Variants in GSAP observed in about 807,000 individuals in gnomAD.
The protein encoded by GSAP is gamma-secretase activating protein, also known as gamma-secretase-activating protein.
Under a neutral mutation model 131.7 loss-of-function variants are expected in GSAP, and 118 were observed. The ratio of observed to expected loss-of-function variants is 0.90; its 90% CI spans 0.77 to 1.04. The LOEUF (loss-of-function observed/expected upper bound fraction) is 1.04. GSAP is among the 50% of genes least tolerant of loss of function. The pLI is 0.00. For missense variants in GSAP, 1,019 were observed against 1,013.2 expected, an observed-to-expected ratio of 1.01 and a Z score of -0.08; for synonymous variants, 381 against 363.4, an observed-to-expected ratio of 1.05 and a Z score of -0.55.
chr7:77,311,735 C>G (rs1367759969), intron 30 of GSAP, 106 bp downstream of exon 30: 1 of 660,966 alleles, frequency 1.5e-6, no homozygotes, highest in Non-Finnish European at 2.7e-6. Context: ...TAAGGGTCTA[C>G]TTGTATGTTA....
At chr7:77,409,494 G>A (rs943834982) in intron 1 of GSAP, among the ~76,000 whole-genome samples, 9 of 152,076 alleles carry the variant, frequency 5.9e-5, no homozygotes, top group African/African-American at 1.9e-4. Context: ...CTAGAAAAAG[G>A]TAAACAGAAC....
chr7:77,391,365 A>G (rs1386160513), intron 5 of GSAP, among the ~76,000 whole-genome samples: 9 of 152,198 alleles, frequency 5.9e-5, no homozygotes, highest in Non-Finnish European at 1.0e-4. Flanking sequence ...CTTTGCAAAT[A>G]GTAATTTCTC....
chr7:77,391,648 AC>A (rs1044345704), intron 5 of GSAP, among the ~76,000 whole-genome samples: 1 of 151,838 alleles, frequency 6.6e-6, no homozygotes, highest in Non-Finnish European at 1.5e-5. Context: ...ACATAGTGAA[AC>A]CCCATCTCTA....
At chr7:77,330,109 A>G (rs1050939022) in intron 20 of GSAP, 130 bp downstream of exon 20, 1 of 1,073,658 alleles carries the variant, frequency 9.3e-7, no homozygotes, top group Admixed American at 2.7e-5. Context: ...ATCAGTAATG[A>G]CAATGATCAA....
Position 77,377,222 on chromosome 7 carries a change from A to C in GSAP, c.681+64T>G. On this transcript the variant is annotated intron_variant, in intron 9 of 30. Coordinates refer to ENST00000257626, the MANE Select transcript of GSAP (RefSeq NM_017439.4). Reference sequence around the variant, plus strand: ...AGAGAGCAAGACCCTGTCTCTAAAAAAATTAATATTTTTGTAAAAAAAAAA... The same window carrying C: ...AGAGAGCAAGACCCTGTCTCTAAAACAATTAATATTTTTGTAAAAAAAAAA... 1.3e-5 allele frequency: 17 copies of C among 1,288,432 alleles called. 1 individual carries two copies. The South Asian group carries it at 3.0e-4, about 22-fold the overall frequency. 79.8% of individuals were successfully genotyped at this position (1,288,432 alleles called of 1,614,324 possible). A position where few individuals can be genotyped will look rare whatever the true frequency, so the allele number is the denominator to read the frequency against.
At position 77,312,206 on chromosome 7, in the gene GSAP, T is replaced by G. The variant is rs1240075779; in HGVS notation, c.2272-4A>C. 6.6e-7 allele frequency: 1 copy of G among 1,513,582 alleles called. No individual in the cohort carries two copies. The highest frequency in any genetic ancestry group is 2.0e-5 in the Admixed American group (1 of 49,876). The allele number at this position is 1,513,582 out of a possible 1,614,324, so 93.8% of individuals were successfully genotyped here. ...TACAAATCTTCTGCCCAATAAGCTATTATGCAAATTGAAAAAAATGTAGCG... is the reference window on the plus strand; with the variant it reads ...TACAAATCTTCTGCCCAATAAGCTAGTATGCAAATTGAAAAAAATGTAGCG... On this transcript the variant is annotated splice_region_variant and splice_polypyrimidine_tract_variant and intron_variant, in intron 28 of 30. Transcript: ENST00000257626.
At chr7:77,353,779 C>CCTG in intron 16 of GSAP, 138 bp from the exon 17 acceptor site, 1 of 579,742 alleles carries the variant, frequency 1.7e-6, no homozygotes, top group South Asian at 2.2e-5. Flanking sequence ...CACTTCTATA[C>CCTG]TATCTTCAAG....
At position 77,311,070 on chromosome 7, in the gene GSAP, T is replaced by G; in HGVS notation, c.*288A>C. ...TTTTATTTCAGAGTGCAACAGAAAC[T>G]AGCTTGTGGCCTATTAAGCTACTAG... On this transcript the variant is annotated 3_prime_UTR_variant, in exon 31 of 31. Transcript: ENST00000257626. 2.2e-5 allele frequency: 6 copies of G among 269,260 alleles called. No individual in the cohort carries two copies. The highest frequency in any genetic ancestry group is 4.2e-5 in the Non-Finnish European group (6 of 143,360). The allele number at this position is 269,260 out of a possible 1,614,324, so 16.7% of individuals were successfully genotyped here.
intron 26 of GSAP, among the ~76,000 whole-genome samples, chr7:77,320,423 G>A (rs2150615643): frequency 6.6e-6 from 1 of 152,194 alleles, no homozygotes; most frequent in East Asian, 1.9e-4. Context: ...AGATAAACTA[G>A]GCCTGGAGAC....
At chr7:77,402,339 G>T (rs1801446879) in intron 3 of GSAP, among the ~76,000 whole-genome samples, 1 of 142,666 alleles carries the variant, frequency 7.0e-6, no homozygotes, top group Admixed American at 7.2e-5. Context: ...GAGGTCAAGA[G>T]ATTGAGACCA....
intron 3 of GSAP, among the ~76,000 whole-genome samples, chr7:77,397,730 G>A (rs1422874212): frequency 6.6e-6 from 1 of 152,176 alleles, no homozygotes; most frequent in Non-Finnish European, 1.5e-5. Context: ...CGTGACCTTG[G>A]ATAAATTATT....
Position 77,311,428 on chromosome 7 carries a change from T to C in GSAP, c.2495A>G (p.His832Arg), listed in dbSNP as rs1007803199. The C allele has an allele frequency of 9.9e-6, 16 of 1,609,444 alleles. No homozygotes were observed. The highest frequency in any genetic ancestry group is 1.7e-5 in the Admixed American group (1 of 60,006). The change falls in exon 31 of 31, where the codon CAT becomes CGT. Residue 832 changes from histidine to arginine, a missense_variant. Physicochemically the swap from His to Arg is conservative, Grantham distance 29. Transcript: ENST00000257626. Reference sequence around the variant, plus strand: ...TACAAATTCTGCATCCACATTGTCATGTCCTTCAAAAGGATACAGGGCTGG... The same window carrying C: ...TACAAATTCTGCATCCACATTGTCACGTCCTTCAAAAGGATACAGGGCTGG... Reference protein sequence around the residue: ...SNQALYPFEGHDNVDAEFVEE... With the variant: ...SNQALYPFEGRDNVDAEFVEE...
chr7:77,342,755 A>T (rs879391392), intron 19 of GSAP, among the ~76,000 whole-genome samples: 1 of 152,216 alleles, frequency 6.6e-6, no homozygotes, highest in Non-Finnish European at 1.5e-5. Flanking sequence ...GGCCTTTTAA[A>T]GCCTGTAAAC....
At chr7:77,380,839 G>T (rs529365106) in intron 8 of GSAP, among the ~76,000 whole-genome samples, 1 of 152,014 alleles carries the variant, frequency 6.6e-6, no homozygotes, top group South Asian at 2.1e-4. Context: ...ATGCATATAC[G>T]TACATATGAA....
intron 5 of GSAP, among the ~76,000 whole-genome samples, chr7:77,394,776 T>A (rs1007166290): frequency 2.6e-5 from 4 of 152,180 alleles, no homozygotes; most frequent in African/African-American, 9.7e-5. Flanking sequence ...CATGGGTTAT[T>A]CTCCTGGGCA....
At chr7:77,386,134 A>G (rs1400996465) in intron 6 of GSAP, among the ~76,000 whole-genome samples, 2 of 152,216 alleles carry the variant, frequency 1.3e-5, no homozygotes, top group Non-Finnish European at 2.9e-5. Context: ...TGAAATCCCA[A>G]AAGATCAAAA....
At chr7:77,412,284 CTGTT>C (rs1188591785) in intron 1 of GSAP, among the ~76,000 whole-genome samples, 3 of 152,158 alleles carry the variant, frequency 2.0e-5, no homozygotes, top group African/African-American at 7.2e-5. Context: ...ACTAAAAGGA[CTGTT>C]TGATTGATAA....
At chr7:77,319,024 C>T (rs769482603) in intron 26 of GSAP, among the ~76,000 whole-genome samples, 1 of 151,862 alleles carries the variant, frequency 6.6e-6, no homozygotes, top group Non-Finnish European at 1.5e-5. Context: ...ATGTAACAAA[C>T]CTGTGTGTTG....
chr7:77,328,537 A>T, intron 22 of GSAP, 69 bp downstream of exon 22: 1 of 1,573,910 alleles, frequency 6.4e-7, no homozygotes, highest in Non-Finnish European at 8.6e-7. Context: ...CCACAGTGGT[A>T]GGAAGAACAG....
Sources: allele counts gnomAD v4.1 joint callset (sites outside exome capture counted in the v4.1 genomes callset), GRCh38; gene constraint gnomAD v4.1.1; transcripts MANE v1.5; gene names NCBI Gene and HGNC (gene_info 2026-07-23, HGNC 2026-07-21).